The following FYN variants were observed in gnomAD, a reference collection of about 807,000 sequenced individuals.
The protein encoded by FYN is FYN proto-oncogene, Src family tyrosine kinase.
A neutral mutation model predicts 70.2 loss-of-function variants in FYN; 10 were observed. The observed-to-expected ratio is 0.14, with a 90% CI of 0.09 to 0.24. The LOEUF (loss-of-function observed/expected upper bound fraction) is 0.24. Ranked by LOEUF, FYN falls within the 10% of genes least tolerant of loss-of-function variation. The pLI is 1.00. For synonymous variants in FYN, 236 were observed against 248.6 expected (o/e 0.95, Z 0.48); for missense variants, 319 against 673.1 (o/e 0.47, Z 5.82).
intron 3 of FYN, among the ~76,000 whole-genome samples, chr6:111,766,475 T>C (rs1554286415): frequency 3.3e-4 from 50 of 152,220 alleles, no homozygotes; most frequent in Non-Finnish European, 1.5e-5. Context: ...TTCAGCCTTC[T>C]AAACAAAGCC....
At position 111,692,109 on chromosome 6, in the gene FYN, C is replaced by G. The variant is rs375127464; in HGVS notation, c.1273+2266G>C. Among the ~76,000 whole-genome samples the G allele has an allele frequency of 3.3e-4, 48 of 144,224 alleles. 1 individual carries two copies. The highest frequency in any genetic ancestry group is 5.5e-4 in the Admixed American group (8 of 14,588). The allele number at this position is 144,224 out of a possible 152,430, so 94.6% of individuals were successfully genotyped here. On this transcript the variant is annotated intron_variant, in intron 12 of 13. Transcript: ENST00000354650. ...CCTTGCCAAGCTTCATTTCCCCCCC[C>G]CCCAGTTCAGCTCTCCAGTTCACTT...
chr6:111,836,494 G>A (rs1773192323), intron 2 of FYN, among the ~76,000 whole-genome samples: 1 of 152,208 alleles, frequency 6.6e-6, no homozygotes, highest in Non-Finnish European at 1.5e-5. Context: ...GCTGTGCGCG[G>A]TGGTTCATGT....
At chr6:111,725,921 A>G (rs980981159) in intron 3 of FYN, among the ~76,000 whole-genome samples, 1 of 152,186 alleles carries the variant, frequency 6.6e-6, no homozygotes, top group Admixed American at 6.5e-5. Context: ...GGTGGACCTG[A>G]CCTAATCAGG....
At chr6:111,847,218 G>A (rs1011334690) in intron 1 of FYN, among the ~76,000 whole-genome samples, 13 of 152,174 alleles carry the variant, frequency 8.5e-5, no homozygotes, top group African/African-American at 3.1e-4. Flanking sequence ...TGGAACTCCA[G>A]CCCCGGGACT....
At chr6:111,676,419 G>A (rs913161669) in intron 12 of FYN, 4 of 152,028 alleles carry the variant, frequency 2.6e-5, no homozygotes, top group African/African-American at 7.3e-5. Context: ...CTTTCCTTAC[G>A]TGCTAGATGA....
intron 2 of FYN, among the ~76,000 whole-genome samples, chr6:111,837,464 G>GA (rs1216767541): frequency 2.0e-5 from 3 of 152,220 alleles, no homozygotes; most frequent in South Asian, 2.1e-4. Flanking sequence ...CACAGCAACA[G>GA]AAAAAACAAT....
intron 2 of FYN, among the ~76,000 whole-genome samples, chr6:111,823,338 T>C (rs897091280): frequency 6.6e-6 from 1 of 152,108 alleles, no homozygotes; most frequent in African/African-American, 2.4e-5. Context: ...CATCCTATTT[T>C]TAAAGAAAAG....
At chr6:111,754,271 A>C (rs1247553448) in intron 3 of FYN, among the ~76,000 whole-genome samples, 1 of 152,178 alleles carries the variant, frequency 6.6e-6, no homozygotes, top group Non-Finnish European at 1.5e-5. Context: ...ATGGTTGGGA[A>C]GAATCATTTG....
Position 111,686,169 on chromosome 6 carries a change from T to C in FYN, c.1273+8206A>G, listed in dbSNP as rs148305406. 8.8e-3 allele frequency among the ~76,000 whole-genome samples: 1,340 copies of C among 152,108 alleles called. 12 individuals are homozygous for C. Among genetic ancestry groups the C allele is most frequent in the Non-Finnish European group, 0.015 (1,013 of 67,978 alleles). Reference sequence around the variant, plus strand: ...CCCTGCCAATTTGACCTGCTCCCCCTAACTATTAATCTGGGCCCCGAAGCT... The same window carrying C: ...CCCTGCCAATTTGACCTGCTCCCCCCAACTATTAATCTGGGCCCCGAAGCT... On this transcript the variant is annotated intron_variant, in intron 12 of 13. Coordinates refer to ENST00000354650, the MANE Select transcript of FYN (RefSeq NM_002037.5).
chr6:111,867,902 T>C (rs1774160524), intron 1 of FYN, among the ~76,000 whole-genome samples: 1 of 152,214 alleles, frequency 6.6e-6, no homozygotes, highest in Non-Finnish European at 1.5e-5. Flanking sequence ...CAAGAATCTT[T>C]CTCAGTTTCT....
At chr6:111,674,724 G>T in intron 12 of FYN, 94 bp from the exon 13 acceptor site, 1 of 1,400,564 alleles carries the variant, frequency 7.1e-7, no homozygotes, top group Non-Finnish European at 9.8e-7. Context: ...CTACTTTCCT[G>T]AGAGCAGGTT....
intron 2 of FYN, among the ~76,000 whole-genome samples, chr6:111,822,272 C>T (rs1772688700): frequency 2.0e-5 from 3 of 152,162 alleles, no homozygotes; most frequent in African/African-American, 7.2e-5. Flanking sequence ...AAATGTGGCA[C>T]ATATACACCA....
intron 3 of FYN, among the ~76,000 whole-genome samples, chr6:111,743,245 G>A (rs866494962): frequency 5.9e-5 from 9 of 152,134 alleles, no homozygotes; most frequent in Admixed American, 1.3e-4. Flanking sequence ...GATTATAGGC[G>A]TGAGCCACCG....
At chr6:111,762,588 T>A (rs1245796768) in intron 3 of FYN, among the ~76,000 whole-genome samples, 1 of 152,128 alleles carries the variant, frequency 6.6e-6, no homozygotes, top group Non-Finnish European at 1.5e-5. Context: ...TAACATCACA[T>A]GACAGATAAC....
intron 13 of FYN, among the ~76,000 whole-genome samples, chr6:111,670,704 G>A (rs1264634823): frequency 7.2e-6 from 1 of 139,102 alleles, no homozygotes; most frequent in African/African-American, 2.6e-5. Flanking sequence ...CTAGCAGGGT[G>A]AGATAACCAG....
chr6:111,851,394 T>A (rs930717932), intron 1 of FYN, among the ~76,000 whole-genome samples: 4 of 152,238 alleles, frequency 2.6e-5, no homozygotes, highest in African/African-American at 4.8e-5. Flanking sequence ...AGTTTTTGTA[T>A]GAACATACAA....
At chr6:111,839,699 A>C (rs1220539477) in intron 2 of FYN, among the ~76,000 whole-genome samples, 1 of 152,208 alleles carries the variant, frequency 6.6e-6, no homozygotes, top group South Asian at 2.1e-4. Context: ...CAAGAAAGTT[A>C]TAAGAACTAG....
chr6:111,764,228 A>AAAAAAAAAAAAAAAAG (rs530424442), intron 3 of FYN, among the ~76,000 whole-genome samples: 4 of 134,898 alleles, frequency 3.0e-5, no homozygotes, highest in South Asian at 2.4e-4. Flanking sequence ...AAAAAAAAAA[A>AAAAAAAAAAAAAAAAG]AAAAGAAAAG....
chr6:111,668,652 C>G (rs1412110497), intron 13 of FYN, among the ~76,000 whole-genome samples: 1 of 152,104 alleles, frequency 6.6e-6, no homozygotes, highest in Non-Finnish European at 1.5e-5. Flanking sequence ...CACACGCATT[C>G]TCCCCTGGTC....
Sources: gnomAD v4.1 joint callset for allele counts (sites outside exome capture counted in the v4.1 genomes callset) on GRCh38, gnomAD v4.1.1 for gene constraint, MANE v1.5 for transcripts, NCBI Gene and HGNC (gene_info 2026-07-23, HGNC 2026-07-21) for gene names.